HMCN2: variants seen among roughly 807,000 people sequenced by gnomAD.
The protein encoded by HMCN2 is hemicentin 2.
Under a neutral mutation model 377.5 loss-of-function variants are expected in HMCN2, and 325 were observed. The observed-to-expected ratio is 0.86, with a 90% CI of 0.79 to 0.94. The LOEUF (loss-of-function observed/expected upper bound fraction) is 0.94. Among genes scored for constraint, HMCN2 ranks in the 40% least tolerant of loss-of-function variants. HMCN2 has a pLI of 0.00. For missense variants in HMCN2, 4,543 were observed against 4,725.3 expected (o/e 0.96, Z 1.13); for synonymous variants, 2,007 against 2,046.8 (o/e 0.98, Z 0.53).
chr9:130,289,694 G>C (rs1835635770), intron 4 of HMCN2, among the ~76,000 whole-genome samples: 1 of 152,158 alleles, frequency 6.6e-6, no homozygotes, highest in Non-Finnish European at 1.5e-5. Context: ...GTGGAGCCCA[G>C]GATATGTCCC....
chr9:130,402,093 C>T (rs1766320410), intron 77 of HMCN2, among the ~76,000 whole-genome samples: 1 of 152,142 alleles, frequency 6.6e-6, no homozygotes, highest in African/African-American at 2.4e-5. Flanking sequence ...AAATACAAAA[C>T]AAAAACTTCT....
chr9:130,396,429 G>C (rs1842612064), intron 73 of HMCN2, 116 bp downstream of exon 73: 1 of 862,392 alleles, frequency 1.2e-6, no homozygotes, highest in Non-Finnish European at 1.6e-6. Flanking sequence ...CAGGACGTGG[G>C]GTGTCTCAGA....
At position 130,394,128 on chromosome 9, in the gene HMCN2, G is replaced by A. The variant is rs1023806268; in HGVS notation, c.10501+120G>A. On this transcript the variant is annotated intron_variant, in intron 68 of 97. Coordinates refer to ENST00000683500, the MANE Select transcript of HMCN2 (RefSeq NM_001291815.2). The surrounding 1 kb of genome is among the most constrained non-coding windows in gnomAD (Gnocchi z 5.1). ...CTGGAGACCTGGGACTGCCACCTGG[G>A]AGCAGAACTCAGGGAACTTGGTTCT... 31 of 974,968 alleles carry A rather than the reference G, an allele frequency of 3.2e-5. No homozygotes were observed. Among genetic ancestry groups the A allele is most frequent in the Non-Finnish European group, 3.9e-5 (29 of 747,990 alleles). The allele number at this position is 974,968 out of a possible 1,614,324, so 60.4% of individuals were successfully genotyped here. A position where few individuals can be genotyped will look rare whatever the true frequency, so the allele number is the denominator to read the frequency against.
chr9:130,354,794 A>G lies in HMCN2; in HGVS notation c.4896A>G (p.Arg1632=), dbSNP rs922424468. The change falls in exon 32 of 98, where the codon AGA becomes AGG. Residue 1632 remains arginine, a synonymous_variant. Coordinates refer to ENST00000683500, the MANE Select transcript of HMCN2 (RefSeq NM_001291815.2). ...VPPTIEGAGG[R]PYVVKAVAGR... The stretch of plus-strand genomic sequence containing the variant: ...CTACCATCGAGGGCGCCGGTGGAAG[A>G]CCATACGTGGTGAAGGCTGTGGCTG... The G allele has an allele frequency of 8.4e-6, 11 of 1,303,736 alleles. No individual in the cohort carries two copies. The highest frequency in any genetic ancestry group is 1.1e-5 in the Non-Finnish European group (11 of 988,694). 80.8% of individuals were successfully genotyped at this position (1,303,736 alleles called of 1,614,324 possible). A position where few individuals can be genotyped will look rare whatever the true frequency, so the allele number is the denominator to read the frequency against.
chr9:130,403,692 G>A (rs990042708), intron 79 of HMCN2, 49 bp from the exon 80 acceptor site: 2 of 1,280,014 alleles, frequency 1.6e-6, no homozygotes, highest in Middle Eastern at 2.2e-4. Context: ...CACCTCGGGG[G>A]TCCCCAGTCC....
intron 81 of HMCN2, among the ~76,000 whole-genome samples, chr9:130,405,336 G>C (rs1394153420): frequency 6.6e-6 from 1 of 152,254 alleles, no homozygotes; most frequent in African/African-American, 2.4e-5. Context: ...TGATGACTTT[G>C]TGTCCTGAAA....
chr9:130,369,697 C>T lies in HMCN2; in HGVS notation c.6915C>T (p.Gly2305=). ...PPPTVTWERD[G]QPVGAELGLQ... ...CGACAGTGACATGGGAGCGGGACGG[C>T]CAGCCCGTGGGGGCTGAACTGGGCC... is the stretch of plus-strand genomic sequence containing the variant. Residue 2305 remains glycine, a synonymous_variant, in exon 45 of 98, where the codon GGC becomes GGT. Coordinates refer to ENST00000683500, the MANE Select transcript of HMCN2 (RefSeq NM_001291815.2). The surrounding 1 kb of genome is among the most constrained non-coding windows in gnomAD (Gnocchi z 4.5). The T allele has an allele frequency of 4.1e-6, 4 of 986,052 alleles. No homozygotes were observed. Among genetic ancestry groups the T allele is most frequent in the Non-Finnish European group, 4.8e-6 (4 of 830,078 alleles). 61.1% of individuals were successfully genotyped at this position (986,052 alleles called of 1,614,324 possible). A position where few individuals can be genotyped will look rare whatever the true frequency, so the allele number is the denominator to read the frequency against.
chr9:130,416,044 C>A (rs1843667962), intron 85 of HMCN2, among the ~76,000 whole-genome samples: 1 of 151,968 alleles, frequency 6.6e-6, no homozygotes, highest in Non-Finnish European at 1.5e-5. Flanking sequence ...TGGGCACAGC[C>A]CCAGGCAGGA....
chr9:130,268,562 A>G (rs1834243517), intron 1 of HMCN2, among the ~76,000 whole-genome samples: 1 of 149,408 alleles, frequency 6.7e-6, no homozygotes, highest in Non-Finnish European at 1.5e-5. Context: ...TGGGCCAGTA[A>G]GCAAGGAAGG....
In HMCN2 at chr9:130,351,883, C is replaced by T. The variant is rs1394028887; in HGVS notation, c.4585+306C>T. Among the ~76,000 whole-genome samples, 1 of 152,062 alleles carries T rather than the reference C, an allele frequency of 6.6e-6. No homozygotes were observed. Among genetic ancestry groups the T allele is most frequent in the Non-Finnish European group, 1.5e-5 (1 of 68,032 alleles). ...CTGGAGCGCAGTGGCACCATCTTGG[C>T]TCACTGCAACCTCCCCCTCCCAGAT... is the stretch of plus-strand genomic sequence containing the variant. On this transcript the variant is annotated intron_variant, in intron 30 of 97. Coordinates refer to ENST00000683500, the MANE Select transcript of HMCN2 (RefSeq NM_001291815.2). This position sits in a 1 kb window ranked among gnomAD's most constrained non-coding sequence, Gnocchi z 5.4.
At chr9:130,363,960 GAGAA>G (rs1035070347) in intron 40 of HMCN2, among the ~76,000 whole-genome samples, 21 of 150,688 alleles carry the variant, frequency 1.4e-4, no homozygotes, top group East Asian at 5.8e-4. Flanking sequence ...AAGAAAAAAA[GAGAA>G]GGAAGGAAGG....
At chr9:130,429,870 G>T in intron 94 of HMCN2, 185 bp downstream of exon 94, 1 of 1,181,094 alleles carries the variant, frequency 8.5e-7, no homozygotes, top group Non-Finnish European at 1.1e-6. Flanking sequence ...AACAGCAGCC[G>T]ACACTTTGCA....
chr9:130,407,389 G>A, intron 82 of HMCN2, 182 bp from the exon 83 acceptor site: 1 of 392,818 alleles, frequency 2.5e-6, no homozygotes, highest in Non-Finnish European at 4.5e-6. Flanking sequence ...TAGAAGGCAG[G>A]TTCATTAACC....
intron 84 of HMCN2, among the ~76,000 whole-genome samples, chr9:130,410,266 G>A (rs558209805): frequency 5.3e-5 from 7 of 132,418 alleles, no homozygotes; most frequent in African/African-American, 1.7e-4. Context: ...AGATTTCAAC[G>A]TACACAGTTT....
chr9:130,359,980 G>T (rs56153849), intron 37 of HMCN2, among the ~76,000 whole-genome samples: 1 of 152,258 alleles, frequency 6.6e-6, no homozygotes, highest in Non-Finnish European at 1.5e-5. Context: ...GGTCCAGCCT[G>T]GCTTTGAGGC....
chr9:130,354,486 C>T (rs935025262), intron 31 of HMCN2, among the ~76,000 whole-genome samples: 10 of 152,282 alleles, frequency 6.6e-5, no homozygotes, highest in South Asian at 2.1e-4. Flanking sequence ...GCAAGTAGGC[C>T]GGCCGTCTTT....
At chr9:130,300,060 T>C (rs1276178198) in intron 8 of HMCN2, among the ~76,000 whole-genome samples, 8 of 126,036 alleles carry the variant, frequency 6.3e-5, no homozygotes, top group African/African-American at 1.5e-4. Context: ...TCCACCCACC[T>C]ACCCATCTAT....
chr9:130,383,558 C>G lies in HMCN2; in HGVS notation c.8788C>G (p.Gln2930Glu), dbSNP rs1019218871. 4 of 985,912 alleles carry G rather than the reference C, an allele frequency of 4.1e-6. No homozygotes were observed. In the African/African-American group the frequency reaches 7.0e-5, roughly 17 times the overall value. The allele number at this position is 985,912 out of a possible 1,614,324, so 61.1% of individuals were successfully genotyped here. A position where few individuals can be genotyped will look rare whatever the true frequency, so the allele number is the denominator to read the frequency against. ...AASYMCVAEN[Q>E]AGSAEKLFTL... is the part of the protein sequence containing the mutation. ...CAGCTACATGTGTGTGGCCGAGAACCAGGCGGGCTCCGCTGAGAAGCTCTT... is the reference window on the plus strand; with the variant it reads ...CAGCTACATGTGTGTGGCCGAGAACGAGGCGGGCTCCGCTGAGAAGCTCTT... Residue 2930 changes from glutamine to glutamate, a missense_variant, in exon 57 of 98, where the codon CAG becomes GAG. Coordinates refer to ENST00000683500, the MANE Select transcript of HMCN2 (RefSeq NM_001291815.2).
chr9:130,408,261 T>C (rs1427916342), intron 83 of HMCN2, among the ~76,000 whole-genome samples: 2 of 152,204 alleles, frequency 1.3e-5, no homozygotes, highest in African/African-American at 4.8e-5. Context: ...AGGAAGGATA[T>C]AAGCCAGTCC....
Sources: allele counts gnomAD v4.1 joint callset (sites outside exome capture counted in the v4.1 genomes callset), GRCh38; gene constraint gnomAD v4.1.1; non-coding constraint Gnocchi (gnomAD v3.1); transcripts MANE v1.5; gene names NCBI Gene and HGNC (gene_info 2026-07-23, HGNC 2026-07-21).